ACBD6: variants seen among roughly 807,000 people sequenced by gnomAD.
ACBD6 encodes acyl-CoA-binding domain-containing protein 6.
A neutral mutation model predicts 37.2 loss-of-function variants in ACBD6; 28 were observed. The observed-to-expected ratio is 0.75, with a 90% CI of 0.56 to 1.03. The LOEUF (loss-of-function observed/expected upper bound fraction) is 1.03. ACBD6 is among the 50% of genes least tolerant of loss of function. ACBD6 has a pLI of 0.00. For missense variants in ACBD6, 340 were observed against 337.4 expected (o/e 1.01, Z -0.06); for synonymous variants, 113 against 126.8 (o/e 0.89, Z 0.73).
intron 3 of ACBD6, among the ~76,000 whole-genome samples, chr1:180,456,822 C>T (rs924090350): frequency 1.9e-4 from 29 of 151,992 alleles, no homozygotes; most frequent in Admixed American, 9.2e-4. Flanking sequence ...CTCAGCCTCC[C>T]GGGCTCAAGT....
intron 7 of ACBD6, among the ~76,000 whole-genome samples, chr1:180,307,941 C>T (rs983013832): frequency 1.4e-4 from 22 of 152,200 alleles, no homozygotes; most frequent in East Asian, 3.9e-4. Flanking sequence ...GGTGACAGAG[C>T]GAGACTCTGT....
At chr1:180,425,313 C>A (rs1159950180) in intron 4 of ACBD6, among the ~76,000 whole-genome samples, 1 of 152,196 alleles carries the variant, frequency 6.6e-6, no homozygotes, top group East Asian at 1.9e-4. Flanking sequence ...CAGTCAGATT[C>A]TCCAGGGGGA....
chr1:180,279,035 A>ACAT (rs1649216615), intron 9 of ACBD6: 1 of 152,138 alleles, frequency 6.6e-6, no homozygotes, highest in Non-Finnish European at 1.5e-5. Flanking sequence ...TTTTCTCTTG[A>ACAT]CATAAATAGA....
intron 7 of ACBD6, among the ~76,000 whole-genome samples, chr1:180,298,929 G>A (rs975536699): frequency 6.6e-6 from 1 of 152,164 alleles, no homozygotes; most frequent in South Asian, 2.1e-4. Flanking sequence ...ATATGAGGAG[G>A]CCACTTGCAG....
At chr1:180,488,320 G>C (rs1651357193) in intron 3 of ACBD6, among the ~76,000 whole-genome samples, 1 of 152,070 alleles carries the variant, frequency 6.6e-6, no homozygotes, top group Non-Finnish European at 1.5e-5. Context: ...ACATATTCTT[G>C]AGATAAGATG....
intron 4 of ACBD6, among the ~76,000 whole-genome samples, chr1:180,429,392 G>T (rs1036206714): frequency 5.9e-5 from 9 of 152,106 alleles, no homozygotes; most frequent in African/African-American, 2.2e-4. Flanking sequence ...ATTTCACTTA[G>T]CGTAATATCC....
chr1:180,373,644 A>G (rs1653337845), intron 6 of ACBD6, among the ~76,000 whole-genome samples: 1 of 152,212 alleles, frequency 6.6e-6, no homozygotes, highest in African/African-American at 2.4e-5. Flanking sequence ...AACAATGACT[A>G]GTGGGATCAG....
chr1:180,388,298 T>C (rs1398256118), intron 6 of ACBD6, among the ~76,000 whole-genome samples: 1 of 152,212 alleles, frequency 6.6e-6, no homozygotes, highest in African/African-American at 2.4e-5. Flanking sequence ...TATGTTTATT[T>C]GCTGTGTATG....
chr1:180,495,327 C>A, intron 2 of ACBD6, 134 bp downstream of exon 2: 1 of 598,012 alleles, frequency 1.7e-6, no homozygotes. Context: ...TCCCAATTGC[C>A]TGTCATTAGT....
chr1:180,398,314 T>C (rs1654341387), intron 5 of ACBD6, among the ~76,000 whole-genome samples: 1 of 152,208 alleles, frequency 6.6e-6, no homozygotes, highest in Non-Finnish European at 1.5e-5. Context: ...ATTTCTTTTT[T>C]TCTGGAAAGA....
intron 5 of ACBD6, among the ~76,000 whole-genome samples, chr1:180,401,787 A>AG (rs1256994004): frequency 1.5e-5 from 2 of 132,778 alleles, no homozygotes; most frequent in Non-Finnish European, 3.3e-5. Flanking sequence ...AATTCTGTCC[A>AG]GAAAAAAAAA....
At chr1:180,274,281 T>TGGACG (rs750077225) in intron 10 of ACBD6, 16 of 1,614,110 alleles carry the variant, frequency 9.9e-6, no homozygotes, top group Non-Finnish European at 1.3e-5. Context: ...AGCTTCTCCA[T>TGGACG]GGACGGGACA....
chr1:180,323,184 G>A (rs1571359070), intron 6 of ACBD6, among the ~76,000 whole-genome samples: 1 of 151,860 alleles, frequency 6.6e-6, no homozygotes, highest in Admixed American at 6.6e-5. Context: ...TTATTTACAG[G>A]CCAGTATCTC....
At chr1:180,463,592 A>G (rs1650234033) in intron 3 of ACBD6, among the ~76,000 whole-genome samples, 1 of 152,156 alleles carries the variant, frequency 6.6e-6, no homozygotes, top group Admixed American at 6.5e-5. Context: ...AAAACCCAGG[A>G]CCAGACAGAT....
intron 4 of ACBD6, among the ~76,000 whole-genome samples, chr1:180,414,730 G>A (rs73037405): frequency 0.038 from 5,726 of 152,268 alleles, 299 homozygotes; most frequent in African/African-American, 0.11. Context: ...AAAACAACTT[G>A]CTTCAAAGCT....
chr1:180,360,977 G>A lies in ACBD6; in HGVS notation c.663+36539C>T, dbSNP rs35416086. 7.7e-3 allele frequency among the ~76,000 whole-genome samples: 1,168 copies of A among 152,156 alleles called. 9 individuals are homozygous for A. The highest frequency in any genetic ancestry group is 9.7e-3 in the Non-Finnish European group (661 of 68,000). On this transcript the variant is annotated intron_variant, in intron 6 of 7. Coordinates refer to ENST00000367595, the MANE Select transcript of ACBD6 (RefSeq NM_032360.4). Reference sequence around the variant, plus strand: ...TCAGGACACTTTTCAAAGCCATCACGCAAAGGGGGGTCAGTTGAATTTTTT... The same window carrying A: ...TCAGGACACTTTTCAAAGCCATCACACAAAGGGGGGTCAGTTGAATTTTTT...
chr1:180,375,523 G>T (rs1185587387), intron 6 of ACBD6, among the ~76,000 whole-genome samples: 7 of 152,066 alleles, frequency 4.6e-5, no homozygotes, highest in Admixed American at 3.3e-4. Context: ...ATGGGGTCTT[G>T]CTTTGTTGTG....
intron 6 of ACBD6, among the ~76,000 whole-genome samples, chr1:180,355,025 T>G (rs1016861878): frequency 6.6e-6 from 1 of 152,232 alleles, no homozygotes; most frequent in African/African-American, 2.4e-5. Flanking sequence ...TGCTGTATAC[T>G]GTCAATGTAA....
At chr1:180,486,204 A>C (rs1651257708) in intron 3 of ACBD6, among the ~76,000 whole-genome samples, 1 of 152,224 alleles carries the variant, frequency 6.6e-6, no homozygotes, top group African/African-American at 2.4e-5. Flanking sequence ...TTGCTAAAAA[A>C]GTGGTCAATC....
Sources: allele counts gnomAD v4.1 joint callset (sites outside exome capture counted in the v4.1 genomes callset), GRCh38; gene constraint gnomAD v4.1.1; transcripts MANE v1.5; gene names NCBI Gene and HGNC (gene_info 2026-07-23, HGNC 2026-07-21).